ABCC4: variants seen among roughly 807,000 people sequenced by gnomAD.
The protein encoded by ABCC4 is ATP binding cassette subfamily C member 4 (PEL blood group), also known as ATP-binding cassette sub-family C member 4.
Under a neutral mutation model 168.5 loss-of-function variants are expected in ABCC4, and 102 were observed. That is an observed-to-expected ratio of 0.61 (90% CI 0.52 to 0.71). The LOEUF (loss-of-function observed/expected upper bound fraction) is 0.71, where lower values mean the gene tolerates loss of function less well. ABCC4 is among the 30% of genes least tolerant of loss of function. The pLI is 0.00. For synonymous variants in ABCC4, 617 were observed against 590.7 expected (o/e 1.04, Z -0.65); for missense variants, 1,402 against 1,605.8 (o/e 0.87, Z 2.17).
At position 95,083,051 on chromosome 13, in the gene ABCC4, G is replaced by A. The variant is rs766508370; in HGVS notation, c.2686+89C>T. The stretch of plus-strand genomic sequence containing the variant: ...TGTTAGAGAAATTCTGGAAGACAGA[G>A]TCTGCCGAATTTCAGGGGGTCTCTG... On this transcript the variant is annotated intron_variant, in intron 21 of 30. Coordinates refer to ENST00000645237, the MANE Select transcript of ABCC4 (RefSeq NM_005845.5). The A allele has an allele frequency of 5.3e-4, 750 of 1,420,936 alleles. 1 individual carries two copies. The highest frequency in any genetic ancestry group is 8.7e-4 in the Admixed American group (42 of 48,274). The allele number at this position is 1,420,936 out of a possible 1,614,324, so 88.0% of individuals were successfully genotyped here.
chr13:95,078,844 G>A (rs189217717), intron 21 of ABCC4, among the ~76,000 whole-genome samples: 83 of 152,224 alleles, frequency 5.5e-4, no homozygotes, highest in African/African-American at 1.8e-3. Context: ...GCAGTCATGG[G>A]GACAGAGTCC....
intron 25 of ABCC4, among the ~76,000 whole-genome samples, chr13:95,067,031 G>A (rs898637962): frequency 2.0e-5 from 3 of 152,216 alleles, no homozygotes; most frequent in African/African-American, 4.8e-5. Context: ...AAGAGGCTGG[G>A]AGAGAAGCCT....
intron 19 of ABCC4, among the ~76,000 whole-genome samples, chr13:95,134,220 T>A (rs536575052): frequency 1.3e-5 from 2 of 152,090 alleles, no homozygotes; most frequent in Non-Finnish European, 2.9e-5. Flanking sequence ...TGCCAAAAAA[T>A]ATATATGTTA....
intron 4 of ABCC4, among the ~76,000 whole-genome samples, chr13:95,233,319 T>TAAAA (rs200364087): frequency 9.0e-4 from 132 of 146,804 alleles, no homozygotes; most frequent in African/African-American, 3.0e-3. Flanking sequence ...AGTGCACCCA[T>TAAAA]AAAAAAAAAA....
Position 95,301,253 on chromosome 13 carries a change from C to T in ABCC4, c.62G>A (p.Arg21His). 1.3e-6 allele frequency: 2 copies of T among 1,593,314 alleles called. No homozygotes were observed. Among genetic ancestry groups the T allele is most frequent in the Non-Finnish European group, 1.7e-6 (2 of 1,170,646 alleles). Residue 21 changes from arginine (R) to histidine (H), a missense_variant, in exon 1 of 31, where the codon CGC becomes CAC. By Grantham distance (29) the Arg-to-His change is conservative. This residue lies in a region of ABCC4 where 317 missense variants were observed against 345.5 expected (regional missense o/e 0.92). Coordinates refer to ENST00000645237, the MANE Select transcript of ABCC4 (RefSeq NM_005845.5). ...CGGGGACACTCACCAGAAGAACACG[C>T]GTGAGCAGAGGTTCGCGTCCTGCAG... ...NPLQDANLCS[R>H]VFFWWLNPLF...
At chr13:95,188,317 T>C (rs2139624459) in intron 10 of ABCC4, 136 bp downstream of exon 10, 1 of 759,980 alleles carries the variant, frequency 1.3e-6, no homozygotes, top group Non-Finnish European at 2.3e-6. Context: ...GCAAAACGAA[T>C]GTTCCATGCA....
intron 19 of ABCC4, among the ~76,000 whole-genome samples, chr13:95,141,200 T>A (rs997777): frequency 0.42 from 64,279 of 152,060 alleles, 16,181 homozygotes; most frequent in African/African-American, 0.71. Flanking sequence ...GCTTTAATCC[T>A]CTGACATTAC....
intron 3 of ABCC4, among the ~76,000 whole-genome samples, chr13:95,236,122 C>A (rs1228416626): frequency 6.6e-6 from 1 of 152,032 alleles, no homozygotes; most frequent in African/African-American, 2.4e-5. Flanking sequence ...TTTCCTTTAC[C>A]CTCCCTGCCA....
chr13:95,298,161 C>T (rs1412439998), intron 1 of ABCC4, among the ~76,000 whole-genome samples: 4 of 152,046 alleles, frequency 2.6e-5, no homozygotes, highest in South Asian at 2.1e-4. Flanking sequence ...TGAGGGTGCA[C>T]GCCTATAGTC....
At chr13:95,033,473 C>G (rs1275133031) in intron 30 of ABCC4, among the ~76,000 whole-genome samples, 1 of 152,158 alleles carries the variant, frequency 6.6e-6, no homozygotes, top group African/African-American at 2.4e-5. Context: ...CATGTGACAT[C>G]TGGCTAAGTC....
intron 19 of ABCC4, among the ~76,000 whole-genome samples, chr13:95,153,565 A>G (rs2036762105): frequency 6.6e-6 from 1 of 152,218 alleles, no homozygotes; most frequent in Non-Finnish European, 1.5e-5. Flanking sequence ...GTAAAATGTC[A>G]TCTTATAATT....
At chr13:95,171,050 C>G (rs1290678639) in intron 13 of ABCC4, among the ~76,000 whole-genome samples, 1 of 146,106 alleles carries the variant, frequency 6.8e-6, no homozygotes, top group Non-Finnish European at 1.5e-5. Flanking sequence ...CATATCAACG[C>G]CCCCCCTCCA....
Position 95,021,598 on chromosome 13 carries a change from T to C in ABCC4, c.3955A>G (p.Thr1319Ala), listed in dbSNP as rs1566347697. The C allele has an allele frequency of 1.2e-6, 2 of 1,611,988 alleles. No individual in the cohort carries two copies. The highest frequency in any genetic ancestry group is 1.1e-5 in the South Asian group (1 of 90,946). Residue 1319 changes from threonine to alanine, a missense_variant, in exon 31 of 31, where the codon ACT (threonine) becomes GCT (alanine). By Grantham distance (58) the Thr-to-Ala change is moderately conservative. Coordinates refer to ENST00000645237, the MANE Select transcript of ABCC4 (RefSeq NM_005845.5). Reference protein sequence around the residue: ...NTSNGQPSTLTIFETAL With the variant: ...NTSNGQPSTLAIFETAL ...ATTCACAGTGCTGTCTCGAAAATAGTTAAGGTCGAGGGCTGTCCATTGGAA... is the reference window on the plus strand; with the variant it reads ...ATTCACAGTGCTGTCTCGAAAATAGCTAAGGTCGAGGGCTGTCCATTGGAA...
chr13:95,252,105 TTAA>T (rs2040279945), intron 1 of ABCC4, among the ~76,000 whole-genome samples: 1 of 152,050 alleles, frequency 6.6e-6, no homozygotes, highest in African/African-American at 2.4e-5. Flanking sequence ...CTTATTTTAC[TTAA>T]TAATGGCCCC....
At chr13:95,076,835 C>A (rs762115113) in intron 21 of ABCC4, among the ~76,000 whole-genome samples, 2 of 152,132 alleles carry the variant, frequency 1.3e-5, no homozygotes, top group Non-Finnish European at 2.9e-5. Flanking sequence ...TCATAGCTCA[C>A]TGCCACCTTG....
intron 19 of ABCC4, among the ~76,000 whole-genome samples, chr13:95,143,920 T>C (rs2036402076): frequency 2.0e-5 from 3 of 152,208 alleles, no homozygotes; most frequent in Admixed American, 2.0e-4. Context: ...TGCTAAATCC[T>C]TCTGAAAATT....
rs1158986994 is a variant in ABCC4, at chr13:95,188,506, T to TAAAGG, written c.1295_1299dup (p.Thr434ProfsTer10). On this transcript the variant is annotated frameshift_variant, in exon 10 of 31. Coordinates refer to ENST00000645237, the MANE Select transcript of ABCC4 (RefSeq NM_005845.5). LOFTEE classifies it high-confidence loss of function. ...GCTAACAATTCGCCAGGTCTGACAGTAAAGGAAAGGCCTTGTAGAGTTGGG... is the reference window on the plus strand; with the variant it reads ...GCTAACAATTCGCCAGGTCTGACAGTAAAGGAAAGGAAAGGCCTTGTAGAGTTGGG... The TAAAGG allele has an allele frequency of 6.2e-7, 1 of 1,614,098 alleles. No homozygotes were observed. The highest frequency in any genetic ancestry group is 8.5e-7 in the Non-Finnish European group (1 of 1,179,972).
At chr13:95,097,592 CT>C (rs56169430) in intron 20 of ABCC4, among the ~76,000 whole-genome samples, 26,364 of 80,270 alleles carry the variant, frequency 0.33, 2,508 homozygotes, top group South Asian at 0.48. Flanking sequence ...AATATACATT[CT>C]TTTTTTTTTT....
chr13:95,145,554 G>A (rs185096976), intron 19 of ABCC4, among the ~76,000 whole-genome samples: 25 of 151,480 alleles, frequency 1.7e-4, no homozygotes, highest in African/African-American at 6.1e-4. Flanking sequence ...ACTCCGGGAG[G>A]TGGAGGTTAC....
Sources: gnomAD v4.1 joint callset for allele counts (sites outside exome capture counted in the v4.1 genomes callset) on GRCh38, gnomAD v4.1.1 for gene constraint, gnomAD v4.1.1 regional missense constraint, MANE v1.5 for transcripts, NCBI Gene and HGNC (gene_info 2026-07-23, HGNC 2026-07-21) for gene names.